The following CCDC60 variants were observed in gnomAD, a reference collection of about 807,000 sequenced individuals.
The protein encoded by CCDC60 is coiled-coil domain containing 60, also known as coiled-coil domain-containing protein 60.
CCDC60 carries 54 observed loss-of-function variants against 63.5 expected under a neutral mutation model. That is an observed-to-expected ratio of 0.85 (90% CI 0.68 to 1.07). The LOEUF (loss-of-function observed/expected upper bound fraction) is 1.07, where lower values mean the gene tolerates loss of function less well. Among genes scored for constraint, CCDC60 ranks in the 50% least tolerant of loss-of-function variants. The pLI is 0.00. For missense variants in CCDC60, 651 were observed against 684.3 expected (o/e 0.95, Z 0.54); for synonymous variants, 206 against 238.8 (o/e 0.86, Z 1.27).
At chr12:119,504,818 T>C (rs887323084) in intron 6 of CCDC60, among the ~76,000 whole-genome samples, 1 of 152,380 alleles carries the variant, frequency 6.6e-6, no homozygotes, top group East Asian at 1.9e-4. Flanking sequence ...GCTCGTTCAA[T>C]AGAATATACT....
intron 3 of CCDC60, among the ~76,000 whole-genome samples, chr12:119,476,224 T>G (rs1288942852): frequency 6.6e-6 from 1 of 152,188 alleles, no homozygotes; most frequent in African/African-American, 2.4e-5. Flanking sequence ...GACCTCATTT[T>G]TCAGCTGCAG....
chr12:119,427,281 A>T (rs893405231), intron 1 of CCDC60, among the ~76,000 whole-genome samples: 1 of 152,262 alleles, frequency 6.6e-6, no homozygotes, highest in African/African-American at 2.4e-5. Context: ...ATATCCACAC[A>T]GATCATTTTT....
intron 2 of CCDC60, among the ~76,000 whole-genome samples, chr12:119,443,728 G>A (rs1029055147): frequency 6.6e-6 from 1 of 152,168 alleles, no homozygotes; most frequent in Non-Finnish European, 1.5e-5. Flanking sequence ...TCACCTACCT[G>A]ATTTAATGTA....
chr12:119,360,334 CGGGG>C (rs1955767787), intron 1 of CCDC60, among the ~76,000 whole-genome samples: 1 of 147,320 alleles, frequency 6.8e-6, no homozygotes, highest in Admixed American at 6.7e-5. Flanking sequence ...GCTGGCCAGG[CGGGG>C]GGCTGACGCC....
At chr12:119,359,942 C>G (rs946557925) in intron 1 of CCDC60, among the ~76,000 whole-genome samples, 2 of 152,026 alleles carry the variant, frequency 1.3e-5, no homozygotes, top group Admixed American at 1.3e-4. Flanking sequence ...TCTTTCTACA[C>G]AGACACGGCA....
chr12:119,523,298 T>C (rs1470300369), intron 10 of CCDC60, among the ~76,000 whole-genome samples: 2 of 152,242 alleles, frequency 1.3e-5, no homozygotes, highest in African/African-American at 2.4e-5. Context: ...CTAACCCATC[T>C]TACAAAGGAG....
chr12:119,425,091 G>A (rs1364578151), intron 1 of CCDC60, among the ~76,000 whole-genome samples: 1 of 152,174 alleles, frequency 6.6e-6, no homozygotes, highest in African/African-American at 2.4e-5. Context: ...ATGTTTAGGA[G>A]AGTGGTACAG....
At chr12:119,507,993 C>T (rs1045351370) in intron 7 of CCDC60, among the ~76,000 whole-genome samples, 2 of 151,920 alleles carry the variant, frequency 1.3e-5, no homozygotes, top group Admixed American at 1.3e-4. Context: ...AATAGTGAGA[C>T]CCCATCTCTA....
In CCDC60 at chr12:119,540,693, G is replaced by A. The variant is rs377650917; in HGVS notation, c.1631G>A (p.Gly544Glu). 7 of 1,613,690 alleles carry A rather than the reference G, an allele frequency of 4.3e-6. No individual in the cohort carries two copies. Among genetic ancestry groups the A allele is most frequent in the Non-Finnish European group, 5.9e-6 (7 of 1,179,916 alleles). The change falls in exon 14 of 14, where the codon GGG becomes GAG. Residue 544 changes from glycine (G) to glutamate (E), a missense_variant. Gly to Glu is a moderately conservative substitution (Grantham distance 98). Coordinates refer to ENST00000327554, the MANE Select transcript of CCDC60 (RefSeq NM_178499.5). The stretch of plus-strand genomic sequence containing the variant: ...CAGAGCCGGATCAACATACCCATTG[G>A]GCCCTACAGCGCCCTGAGGTAGGCT... ...WLQSRINIPI[G>E]PYSALR
At chr12:119,418,343 C>T (rs1292135558) in intron 1 of CCDC60, among the ~76,000 whole-genome samples, 2 of 149,128 alleles carry the variant, frequency 1.3e-5, no homozygotes, top group Admixed American at 6.7e-5. Flanking sequence ...TCACATTAAC[C>T]CAGTGCTATT....
At chr12:119,496,519 C>A (rs1356680246) in intron 5 of CCDC60, among the ~76,000 whole-genome samples, 1 of 152,184 alleles carries the variant, frequency 6.6e-6, no homozygotes, top group East Asian at 1.9e-4. Context: ...CTGTTGTCTA[C>A]CATCAGCTCC....
intron 2 of CCDC60, among the ~76,000 whole-genome samples, chr12:119,459,952 C>G (rs564801128): frequency 6.6e-6 from 1 of 152,178 alleles, no homozygotes; most frequent in South Asian, 2.1e-4. Flanking sequence ...TGCAATAATG[C>G]TATCTCAGTA....
intron 3 of CCDC60, among the ~76,000 whole-genome samples, chr12:119,477,254 T>C (rs1593144057): frequency 1.3e-5 from 2 of 152,234 alleles, no homozygotes; most frequent in East Asian, 3.8e-4. Context: ...ACTTCTGACA[T>C]ATTCTGTTAG....
chr12:119,489,501 G>A (rs1219813281), intron 5 of CCDC60, among the ~76,000 whole-genome samples: 7 of 152,118 alleles, frequency 4.6e-5, no homozygotes, highest in African/African-American at 9.7e-5. Context: ...TTAGGTGTCC[G>A]CACCAGAGGA....
chr12:119,487,269 G>C (rs1279443149), intron 4 of CCDC60, among the ~76,000 whole-genome samples: 1 of 150,750 alleles, frequency 6.6e-6, no homozygotes, highest in African/African-American at 2.4e-5. Flanking sequence ...AGGTGGGAGC[G>C]GTATATTACC....
intron 2 of CCDC60, among the ~76,000 whole-genome samples, chr12:119,431,600 C>T (rs1439453104): frequency 6.6e-6 from 1 of 152,118 alleles, no homozygotes; most frequent in South Asian, 2.1e-4. Flanking sequence ...ATCTAGTCCC[C>T]AGGCAAAAAG....
intron 1 of CCDC60, among the ~76,000 whole-genome samples, chr12:119,338,954 C>T (rs1955503225): frequency 6.6e-6 from 1 of 152,312 alleles, no homozygotes; most frequent in Non-Finnish European, 1.5e-5. Flanking sequence ...TATATCCTAA[C>T]GAATGTTCCA....
intron 2 of CCDC60, among the ~76,000 whole-genome samples, chr12:119,457,384 A>C (rs1950767794): frequency 6.6e-6 from 1 of 152,236 alleles, no homozygotes; most frequent in East Asian, 1.9e-4. Context: ...AAGGAGAGAA[A>C]TCCATCTGAA....
At chr12:119,447,267 G>A (rs1267782593) in intron 2 of CCDC60, among the ~76,000 whole-genome samples, 2 of 152,142 alleles carry the variant, frequency 1.3e-5, no homozygotes, top group East Asian at 3.9e-4. Flanking sequence ...CAAAAGGGAA[G>A]CTTTGACAAC....
Sources: allele counts gnomAD v4.1 joint callset (sites outside exome capture counted in the v4.1 genomes callset), GRCh38; gene constraint gnomAD v4.1.1; transcripts MANE v1.5; gene names NCBI Gene and HGNC (gene_info 2026-07-23, HGNC 2026-07-21).